WLS: variants seen among roughly 807,000 people sequenced by gnomAD.
WLS encodes the protein Wnt ligand secretion mediator, also known as protein wntless homolog.
A neutral mutation model predicts 62.8 loss-of-function variants in WLS; 23 were observed. That is an observed-to-expected ratio of 0.37 (90% CI 0.26 to 0.52). The LOEUF (loss-of-function observed/expected upper bound fraction) is 0.52, where lower values mean the gene tolerates loss of function less well. Among genes scored for constraint, WLS ranks in the 20% least tolerant of loss-of-function variants. The pLI is 0.92. For missense variants in WLS, 615 were observed against 697.3 expected (o/e 0.88, Z 1.33); for synonymous variants, 246 against 244.1 (o/e 1.01, Z -0.07).
intron 1 of WLS, chr1:68,202,263 A>G (rs1649060043): frequency 6.6e-6 from 1 of 152,146 alleles, no homozygotes; most frequent in South Asian, 2.1e-4. Context: ...CTAGTTTTTT[A>G]CCCTCTTTTT....
chr1:68,113,900 G>C (rs1462902621), intron 11 of WLS, among the ~76,000 whole-genome samples: 2 of 152,230 alleles, frequency 1.3e-5, no homozygotes, highest in African/African-American at 4.8e-5. Flanking sequence ...CCATGCCTCA[G>C]ATTTAGAAAG....
chr1:68,154,193 T>C (rs906574443), intron 4 of WLS, among the ~76,000 whole-genome samples: 1 of 152,092 alleles, frequency 6.6e-6, no homozygotes, highest in Non-Finnish European at 1.5e-5. Flanking sequence ...AGAGATATCC[T>C]CTATCTCTTA....
chr1:68,127,581 G>C (rs918734721), intron 11 of WLS, among the ~76,000 whole-genome samples: 23 of 152,160 alleles, frequency 1.5e-4, no homozygotes, highest in Non-Finnish European at 2.4e-4. Context: ...ACTGTGTGTG[G>C]GGGTGCACGT....
chr1:68,143,175 T>C (rs1221077885), intron 10 of WLS, among the ~76,000 whole-genome samples: 2 of 152,070 alleles, frequency 1.3e-5, no homozygotes, highest in Admixed American at 1.3e-4. Context: ...GCTAAAGGGG[T>C]CCATATACAA....
intron 1 of WLS, among the ~76,000 whole-genome samples, chr1:68,203,189 T>C (rs2100631592): frequency 6.6e-6 from 1 of 152,358 alleles, no homozygotes; most frequent in African/African-American, 2.4e-5. Flanking sequence ...TCCACCTAGT[T>C]AACAAGTAAC....
At position 68,196,499 on chromosome 1, in the gene WLS, A is replaced by G. The variant is rs139715007; in HGVS notation, c.107-2272T>C. Among the ~76,000 whole-genome samples, 506 of 152,240 alleles carry G rather than the reference A, an allele frequency of 3.3e-3. 2 individuals are homozygous for G. Among genetic ancestry groups the G allele is most frequent in the African/African-American group, 0.012 (482 of 41,564 alleles). On this transcript the variant is annotated intron_variant, in intron 1 of 11. Coordinates refer to ENST00000262348, the MANE Select transcript of WLS (RefSeq NM_024911.7). ...GATCAGATAGCAATGGAGAAACATG[A>G]AAAGCAAAAAGAAAGTTATATAACG...
rs1245746818 is a variant in WLS at position 68,110,651 on chromosome 1, ATCTCTGTCTCTCTCTCTCTC to A, written c.1511-11918_1511-11899del. 7.3e-3 allele frequency among the ~76,000 whole-genome samples: 917 copies of A among 126,228 alleles called. 1 individual carries two copies. The highest frequency in any genetic ancestry group is 0.019 in the Middle Eastern group (5 of 262). 82.8% of individuals were successfully genotyped at this position (126,228 alleles called of 152,430 possible). On this transcript the variant is annotated intron_variant, in intron 11 of 11. Coordinates refer to the WLS transcript ENST00000354777. Reference sequence around the variant, plus strand: ...GGAACAGACTAAGAAGCCCCCAAAAATCTCTGTCTCTCTCTCTCTCTCTCTCTCTCTCTCTCTCTCCATAT... The same window carrying A: ...GGAACAGACTAAGAAGCCCCCAAAAATCTCTCTCTCTCTCTCTCTCCATAT...
At chr1:68,105,036 A>C (rs916598940) in intron 11 of WLS, among the ~76,000 whole-genome samples, 1 of 152,240 alleles carries the variant, frequency 6.6e-6, no homozygotes, top group Non-Finnish European at 1.5e-5. Flanking sequence ...TGATGTATCT[A>C]TGTGGTCCCA....
At chr1:68,170,105 C>T (rs1024554157) in intron 2 of WLS, among the ~76,000 whole-genome samples, 1 of 151,388 alleles carries the variant, frequency 6.6e-6, no homozygotes, top group East Asian at 1.9e-4. Flanking sequence ...GGGTGCCAAG[C>T]ACTCAGCACA....
At chr1:68,182,158 AC>A (rs1557502688) in intron 2 of WLS, among the ~76,000 whole-genome samples, 1 of 152,262 alleles carries the variant, frequency 6.6e-6, no homozygotes, top group Non-Finnish European at 1.5e-5. Flanking sequence ...AACTATAGAT[AC>A]TAATTTTAAA....
rs138852027 is a variant in WLS at position 68,194,193 on chromosome 1, C to G, written c.141G>C (p.Ser47=). The G allele has an allele frequency of 1.2e-6, 2 of 1,614,128 alleles. No individual in the cohort carries two copies. Among genetic ancestry groups the G allele is most frequent in the South Asian group, 2.2e-5 (2 of 91,078 alleles). Residue 47 remains serine, a synonymous_variant, in exon 2 of 12, where the codon TCG becomes TCC. Coordinates refer to ENST00000262348, the MANE Select transcript of WLS (RefSeq NM_024911.7). ...PGPTTAVSYM[S]VKCVDARKNH... ...TCTTACGGGCATCCACACATTTCAC[C>G]GACATGTAGGACACTGCCGTTGTGG...
At chr1:68,162,802 G>T in intron 2 of WLS, 2 of 1,163,948 alleles carry the variant, frequency 1.7e-6, no homozygotes, top group Non-Finnish European at 2.6e-6. Flanking sequence ...CACTCTCGGG[G>T]CCTTAAACTT....
chr1:68,132,421 C>T (rs569756597), intron 11 of WLS, among the ~76,000 whole-genome samples: 1 of 152,202 alleles, frequency 6.6e-6, no homozygotes, highest in African/African-American at 2.4e-5. Context: ...AGGGAGATGG[C>T]GTCAATAAAA....
chr1:68,114,309 AAC>A (rs2100337696), intron 11 of WLS, among the ~76,000 whole-genome samples: 1 of 152,302 alleles, frequency 6.6e-6, no homozygotes, highest in African/African-American at 2.4e-5. Flanking sequence ...ATATACAGAA[AAC>A]ACTGGATTCT....
intron 1 of WLS, among the ~76,000 whole-genome samples, chr1:68,230,570 C>CGTGTGTGTGTGT (rs112351005): frequency 3.6e-4 from 43 of 118,586 alleles, no homozygotes; most frequent in African/African-American, 1.3e-3. Context: ...AAAGCCAACC[C>CGTGTGTGTGTGT]GTGTGTGTGT....
chr1:68,194,406 G>A (rs1648547576), intron 1 of WLS, among the ~76,000 whole-genome samples, 179 bp from the exon 2 acceptor site: 1 of 152,152 alleles, frequency 6.6e-6, no homozygotes, highest in Admixed American at 6.5e-5. Flanking sequence ...ACCTCCAGAG[G>A]TGTCATAACA....
Position 68,108,063 on chromosome 1 carries a change from G to A in WLS, c.1511-9310C>T, listed in dbSNP as rs531715266. Among the ~76,000 whole-genome samples the A allele has an allele frequency of 5.3e-5, 8 of 152,174 alleles. No homozygotes were observed. The South Asian group carries it at 1.5e-3, about 28-fold the overall frequency. ...GTCTTTTATTAGTCTTTAAAATGGG[G>A]ACCACAATCTTTATATGTATACAAT... On this transcript the variant is annotated intron_variant, in intron 11 of 11. Transcript: ENST00000354777.
At chr1:68,162,547 A>C in intron 2 of WLS, 1 of 1,598,354 alleles carries the variant, frequency 6.3e-7, no homozygotes, top group Non-Finnish European at 8.6e-7. Flanking sequence ...GAGGCCCAGC[A>C]TTTCCCCACG....
intron 1 of WLS, among the ~76,000 whole-genome samples, chr1:68,194,899 T>C (rs900638700): frequency 1.3e-5 from 2 of 152,332 alleles, no homozygotes; most frequent in South Asian, 2.1e-4. Flanking sequence ...CTTTGAAATG[T>C]GTAACTTTAA....
Sources: gnomAD v4.1 joint callset for allele counts (sites outside exome capture counted in the v4.1 genomes callset) on GRCh38, gnomAD v4.1.1 for gene constraint, MANE v1.5 for transcripts, NCBI Gene and HGNC (gene_info 2026-07-23, HGNC 2026-07-21) for gene names.